The following EPB41L5 variants were observed in gnomAD, a reference collection of about 807,000 sequenced individuals.
EPB41L5 encodes band 4.1-like protein 5.
In EPB41L5, 55 loss-of-function variants were observed where a neutral mutation model predicts 106.6. The ratio of observed to expected loss-of-function variants is 0.52; its 90% CI spans 0.42 to 0.65. The LOEUF (loss-of-function observed/expected upper bound fraction) is 0.65, where lower values mean the gene tolerates loss of function less well. Among genes scored for constraint, EPB41L5 ranks in the 30% least tolerant of loss-of-function variants. The probability of loss-of-function intolerance (pLI) is 0.00; values close to 1 mark genes in which losing one functional copy is unlikely to be tolerated. For synonymous variants in EPB41L5, 297 were observed against 306.7 expected (o/e 0.97, Z 0.33); for missense variants, 871 against 882.1 (o/e 0.99, Z 0.16).
intron 20 of EPB41L5, among the ~76,000 whole-genome samples, chr2:120,153,318 AT>A (rs1303911296): frequency 6.6e-6 from 1 of 152,004 alleles, no homozygotes; most frequent in Admixed American, 6.6e-5. Context: ...GTTATTTATA[AT>A]TTCATTCATT....
At chr2:120,082,211 G>C (rs1306564603) in intron 10 of EPB41L5, among the ~76,000 whole-genome samples, 1 of 152,128 alleles carries the variant, frequency 6.6e-6, no homozygotes, top group Non-Finnish European at 1.5e-5. Context: ...AACGCTTCCA[G>C]TTTTTGCCCT....
chr2:120,079,311 G>C (rs769655680), intron 10 of EPB41L5, among the ~76,000 whole-genome samples: 36 of 152,262 alleles, frequency 2.4e-4, no homozygotes, highest in Non-Finnish European at 4.9e-4. Context: ...TATATCCCAT[G>C]AAACTGCACC....
At chr2:120,115,622 C>T (rs1230170284) in intron 16 of EPB41L5, among the ~76,000 whole-genome samples, 1 of 152,110 alleles carries the variant, frequency 6.6e-6, no homozygotes, top group Non-Finnish European at 1.5e-5. Context: ...GAACTCCTGA[C>T]CTTGTGATCC....
At chr2:120,100,878 C>A in intron 16 of EPB41L5, 64 bp downstream of exon 16, 3 of 1,134,270 alleles carry the variant, frequency 2.6e-6, no homozygotes, top group Non-Finnish European at 3.8e-6. Flanking sequence ...AATTCCAAGT[C>A]ATAATCTTAA....
At chr2:120,018,045 T>C (rs1374211267) in intron 1 of EPB41L5, among the ~76,000 whole-genome samples, 2 of 150,166 alleles carry the variant, frequency 1.3e-5, no homozygotes, top group African/African-American at 4.9e-5. Flanking sequence ...CACTGCAAGC[T>C]CCACCTCCCG....
intron 1 of EPB41L5, among the ~76,000 whole-genome samples, chr2:120,017,880 T>C (rs1032782368): frequency 2.6e-5 from 4 of 152,202 alleles, no homozygotes; most frequent in East Asian, 3.9e-4. Context: ...CACTGCAAGC[T>C]CCGCCTCCCG....
chr2:120,120,811 C>A (rs1352097314), intron 16 of EPB41L5, among the ~76,000 whole-genome samples: 1 of 152,082 alleles, frequency 6.6e-6, no homozygotes, highest in Non-Finnish European at 1.5e-5. Flanking sequence ...CTTCTTATTG[C>A]TTCTTCAATT....
At chr2:120,036,796 A>G (rs1393673662) in intron 2 of EPB41L5, among the ~76,000 whole-genome samples, 1 of 152,182 alleles carries the variant, frequency 6.6e-6, no homozygotes, top group Non-Finnish European at 1.5e-5. Context: ...GAAATTAGTG[A>G]GTTGGAAGAT....
chr2:120,126,540 C>T (rs1386054372), intron 16 of EPB41L5, among the ~76,000 whole-genome samples: 1 of 152,028 alleles, frequency 6.6e-6, no homozygotes, highest in Non-Finnish European at 1.5e-5. Flanking sequence ...GTCCTAGTAC[C>T]ATTTGTTAAA....
At chr2:120,059,880 C>G (rs927092343) in intron 3 of EPB41L5, among the ~76,000 whole-genome samples, 1 of 152,172 alleles carries the variant, frequency 6.6e-6, no homozygotes, top group African/African-American at 2.4e-5. Context: ...AACCGTGTCT[C>G]AACCAAAAAC....
chr2:120,092,869 T>A (rs1427075894), intron 13 of EPB41L5, among the ~76,000 whole-genome samples: 1 of 152,230 alleles, frequency 6.6e-6, no homozygotes, highest in Admixed American at 6.5e-5. Flanking sequence ...ATTGCTTTAT[T>A]TGAAAAATGA....
chr2:120,174,407 T>C (rs371772460), intron 24 of EPB41L5, among the ~76,000 whole-genome samples: 4 of 151,958 alleles, frequency 2.6e-5, no homozygotes, highest in African/African-American at 4.8e-5. Context: ...TGAAGCTGCA[T>C]TGAGCCATGA....
chr2:120,079,397 T>A (rs777722867), intron 10 of EPB41L5, among the ~76,000 whole-genome samples: 34 of 152,166 alleles, frequency 2.2e-4, no homozygotes, highest in Non-Finnish European at 4.6e-4. Context: ...CTTTCTGAAT[T>A]CTCTGACTCA....
chr2:120,119,725 A>G lies in EPB41L5; in HGVS notation c.1338-7963A>G, dbSNP rs569182323. ...CGTATCCAAAGGAGAATTTAAAAAC[A>G]TACATAAATATAGGCGATCAGAAAA... On this transcript the variant is annotated intron_variant, in intron 16 of 24. Transcript: ENST00000263713. Among the ~76,000 whole-genome samples the G allele has an allele frequency of 4.6e-5, 7 of 152,304 alleles. No individual in the cohort carries two copies. The East Asian group carries it at 1.4e-3, about 29-fold the overall frequency.
Position 120,100,224 on chromosome 2 carries a change from A to G in EPB41L5, c.1179-20A>G. The G allele has an allele frequency of 6.3e-7, 1 of 1,592,410 alleles. No individual in the cohort carries two copies. The stretch of plus-strand genomic sequence containing the variant: ...AAATTTCATATAGGGTTTTTAATTG[A>G]TTTTTTTTTCCCATTACAGTGTTCA... On this transcript the variant is annotated intron_variant, in intron 14 of 24. Transcript: ENST00000263713.
intron 16 of EPB41L5, chr2:120,104,821 CA>C: frequency 2.1e-6 from 2 of 949,580 alleles, no homozygotes; most frequent in Non-Finnish European, 2.5e-6. Flanking sequence ...TTTAACTTAC[CA>C]AAAGATTTAG....
intron 1 of EPB41L5, among the ~76,000 whole-genome samples, chr2:120,015,618 A>G (rs969971240): frequency 1.3e-5 from 2 of 152,004 alleles, no homozygotes; most frequent in African/African-American, 4.8e-5. Flanking sequence ...AAATTTTGTC[A>G]TATCTAAGTC....
At chr2:120,072,187 G>T (rs1042120443) in intron 3 of EPB41L5, among the ~76,000 whole-genome samples, 20 of 152,030 alleles carry the variant, frequency 1.3e-4, no homozygotes, top group African/African-American at 4.8e-4. Context: ...GAAAAAAAGC[G>T]CATCATCACT....
chr2:120,095,557 T>C (rs1683694532), intron 14 of EPB41L5, among the ~76,000 whole-genome samples: 1 of 152,184 alleles, frequency 6.6e-6, no homozygotes, highest in South Asian at 2.1e-4. Context: ...TTACTGATTT[T>C]TTTTTTTAAA....
Sources: gnomAD v4.1 joint callset for allele counts (sites outside exome capture counted in the v4.1 genomes callset) on GRCh38, gnomAD v4.1.1 for gene constraint, MANE v1.5 for transcripts, NCBI Gene and HGNC (gene_info 2026-07-23, HGNC 2026-07-21) for gene names.